BCL7A: variants seen among roughly 807,000 people sequenced by gnomAD.
BCL7A encodes B-cell CLL/lymphoma 7 protein family member A.
In BCL7A, 11 loss-of-function variants were observed where a neutral mutation model predicts 28.4. That is an observed-to-expected ratio of 0.39 (90% CI 0.24 to 0.64). The LOEUF is 0.64. Ranked by LOEUF, BCL7A falls within the 30% of genes least tolerant of loss-of-function variation. The pLI, the probability that BCL7A is intolerant of heterozygous loss-of-function variation, is 0.50. For synonymous variants in BCL7A, 123 were observed against 103.3 expected, an observed-to-expected ratio of 1.19 and a Z score of -1.15; for missense variants, 222 against 274.8, an observed-to-expected ratio of 0.81 and a Z score of 1.36.
chr12:122,022,023 G>C lies in BCL7A; in HGVS notation c.-69G>C. On this transcript the variant is annotated 5_prime_UTR_variant, in exon 1 of 6. Transcript: ENST00000261822. ...GAGTGAGCGGCGGGCGGGCGCGAGT[G>C]TGGCCGCCGCGGAGCGCGAGCAGGA... 1 of 1,408,742 alleles carries C rather than the reference G, an allele frequency of 7.1e-7. No individual in the cohort carries two copies. Among genetic ancestry groups the C allele is most frequent in the Non-Finnish European group, 9.6e-7 (1 of 1,042,574 alleles). The allele number at this position is 1,408,742 out of a possible 1,614,324, so 87.3% of individuals were successfully genotyped here.
Position 122,054,810 on chromosome 12 carries a change from T to C in BCL7A, c.445T>C (p.Ser149Pro). The change falls in exon 5 of 6, where the codon TCT becomes CCT. Residue 149 changes from serine (S) to proline (P), a missense_variant. By Grantham distance (74) the Ser-to-Pro change is moderately conservative. Coordinates refer to ENST00000261822, the MANE Select transcript of BCL7A (RefSeq NM_001024808.3). ...TCGTCTTGCTCTTCCCTCAGATGCT[T>C]CTGATGAGCAGAATTCACAGTCCTC... ...GKEHPGAEDASDEQNSQSSME... is the reference protein window; with the variant it reads ...GKEHPGAEDAPDEQNSQSSME... 1 of 1,613,806 alleles carries C rather than the reference T, an allele frequency of 6.2e-7. No individual in the cohort carries two copies. The highest frequency in any genetic ancestry group is 8.5e-7 in the Non-Finnish European group (1 of 1,179,792).
chr12:122,028,977 C>T lies in BCL7A; in HGVS notation c.93-1723C>T, dbSNP rs1012398586. Among the ~76,000 whole-genome samples, 3 of 152,194 alleles carry T rather than the reference C, an allele frequency of 2.0e-5. No individual in the cohort carries two copies. The East Asian group carries it at 5.8e-4, about 29-fold the overall frequency. On this transcript the variant is annotated intron_variant, in intron 1 of 5. Coordinates refer to ENST00000261822, the MANE Select transcript of BCL7A (RefSeq NM_001024808.3). ...TGCTCTGCCCACAGGAGGCAGGAGA[C>T]GGGCCAGTGGACTTAGACACTCGTC...
rs1257733320 is a variant in BCL7A at position 122,059,856 on chromosome 12, C to T, written c.*693C>T. On this transcript the variant is annotated 3_prime_UTR_variant, in exon 6 of 6. Coordinates refer to ENST00000261822, the MANE Select transcript of BCL7A (RefSeq NM_001024808.3). This position sits in a 1 kb window ranked among gnomAD's most constrained non-coding sequence, Gnocchi z 4.0. ...TGTTGGGGCACAGTCCCCAAGGGCTCGGCCCCTTGGATCAGGCTGGGCACT... is the reference window on the plus strand; with the variant it reads ...TGTTGGGGCACAGTCCCCAAGGGCTTGGCCCCTTGGATCAGGCTGGGCACT... 1.7e-5 allele frequency: 4 copies of T among 232,034 alleles called. No individual in the cohort carries two copies. The highest frequency in any genetic ancestry group is 6.6e-5 in the African/African-American group (3 of 45,244). 14.4% of individuals were successfully genotyped at this position (232,034 alleles called of 1,614,324 possible).
At chr12:122,024,012 C>G (rs191014807) in intron 1 of BCL7A, among the ~76,000 whole-genome samples, 1 of 152,190 alleles carries the variant, frequency 6.6e-6, no homozygotes, top group Admixed American at 6.5e-5. Context: ...GACAGCTGCT[C>G]CCGCAGAGCG....
At chr12:122,037,540 A>G (rs1883880387) in intron 3 of BCL7A, among the ~76,000 whole-genome samples, 1 of 152,220 alleles carries the variant, frequency 6.6e-6, no homozygotes, top group Non-Finnish European at 1.5e-5. Context: ...AGAAAAGCAC[A>G]GTGGCGGTGG....
intron 4 of BCL7A, among the ~76,000 whole-genome samples, chr12:122,053,602 CT>C (rs1377859862): frequency 2.0e-5 from 3 of 152,100 alleles, no homozygotes; most frequent in African/African-American, 7.2e-5. Flanking sequence ...AGGATTTTTG[CT>C]GCCCCTTCAC....
intron 4 of BCL7A, among the ~76,000 whole-genome samples, chr12:122,047,181 T>C (rs558130209): frequency 1.3e-5 from 2 of 151,534 alleles, no homozygotes; most frequent in Non-Finnish European, 2.9e-5. Flanking sequence ...GGATTACAGG[T>C]GTGAACCACC....
At chr12:122,057,492 A>G (rs980674759) in intron 5 of BCL7A, among the ~76,000 whole-genome samples, 1 of 152,160 alleles carries the variant, frequency 6.6e-6, no homozygotes, top group Non-Finnish European at 1.5e-5. Flanking sequence ...TGTTGGCCAC[A>G]AGCAGGCTGC....
At chr12:122,022,458 G>A (rs1338589290) in intron 1 of BCL7A, among the ~76,000 whole-genome samples, 1 of 145,222 alleles carries the variant, frequency 6.9e-6, no homozygotes, top group Non-Finnish European at 1.5e-5. Context: ...CCAGGCGGTT[G>A]GAGCGGCGGG....
Position 122,059,920 on chromosome 12 carries a change from C to G in BCL7A, c.*757C>G, listed in dbSNP as rs755507536. On this transcript the variant is annotated 3_prime_UTR_variant, in exon 6 of 6. Coordinates refer to ENST00000261822, the MANE Select transcript of BCL7A (RefSeq NM_001024808.3). This position sits in a 1 kb window ranked among gnomAD's most constrained non-coding sequence, Gnocchi z 4.0. ...CCTCCTTGGGGCGTTTAGGACTGGG[C>G]GTCTCCAAGCCCACCATGGCCCAGA... The G allele has an allele frequency of 4.3e-6, 1 of 232,294 alleles. No individual in the cohort carries two copies. The highest frequency in any genetic ancestry group is 8.5e-6 in the Non-Finnish European group (1 of 117,498). The allele number at this position is 232,294 out of a possible 1,614,324, so 14.4% of individuals were successfully genotyped here.
Position 122,060,830 on chromosome 12 carries a change from C to T in BCL7A, c.*1667C>T, listed in dbSNP as rs764684471. 2.2e-5 allele frequency: 5 copies of T among 224,408 alleles called. No homozygotes were observed. Among genetic ancestry groups the T allele is most frequent in the African/African-American group, 9.2e-5 (4 of 43,632 alleles). 13.9% of individuals were successfully genotyped at this position (224,408 alleles called of 1,614,324 possible). A position where few individuals can be genotyped will look rare whatever the true frequency, so the allele number is the denominator to read the frequency against. On this transcript the variant is annotated 3_prime_UTR_variant, in exon 6 of 6. Transcript: ENST00000261822. ...GGGATCCTGTCTATTTCCTGCACTT[C>T]GAGAAGAATCAAAATGTTCCTGAAT...
At chr12:122,040,020 C>A (rs1163623168) in intron 3 of BCL7A, among the ~76,000 whole-genome samples, 2 of 152,052 alleles carry the variant, frequency 1.3e-5, no homozygotes, top group Non-Finnish European at 2.9e-5. Context: ...ATTTTAAAAA[C>A]CTTGGCATGT....
chr12:122,044,976 TC>T (rs1593031722), intron 4 of BCL7A, among the ~76,000 whole-genome samples: 1 of 151,880 alleles, frequency 6.6e-6, no homozygotes, highest in Non-Finnish European at 1.5e-5. Flanking sequence ...AATGGGGTGG[TC>T]GGGGCGGCCT....
intron 4 of BCL7A, among the ~76,000 whole-genome samples, chr12:122,051,733 G>A (rs1359199157): frequency 2.6e-5 from 4 of 152,238 alleles, no homozygotes; most frequent in South Asian, 2.1e-4. Context: ...TGCTGTGCCC[G>A]GCAGAAAAGG....
rs1187202053 is a variant in BCL7A at position 122,031,360 on chromosome 12, C to CCG, written c.174+580_174+581insGC. Among the ~76,000 whole-genome samples, 4 of 152,102 alleles carry CCG rather than the reference C, an allele frequency of 2.6e-5. 1 individual carries two copies. In the East Asian group the frequency reaches 5.8e-4, roughly 22 times the overall value. ...TGTGTCTTCTGGGCCGAGCGCCCCC[C>CCG]CCAGGGCTTGGCACTGTGTTTTGGG... On this transcript the variant is annotated intron_variant, in intron 2 of 5. Transcript: ENST00000261822.
intron 1 of BCL7A, among the ~76,000 whole-genome samples, chr12:122,023,183 A>G (rs1034318051): frequency 6.6e-6 from 1 of 152,170 alleles, no homozygotes; most frequent in African/African-American, 2.4e-5. Flanking sequence ...CCGAGGCGCA[A>G]GCAGATCGCC....
Position 122,030,795 on chromosome 12 carries a change from G to A in BCL7A, c.174+14G>A, listed in dbSNP as rs538810792. The A allele has an allele frequency of 1.9e-6, 3 of 1,612,590 alleles. No homozygotes were observed. The highest frequency in any genetic ancestry group is 2.7e-5 in the African/African-American group (2 of 74,988). On this transcript the variant is annotated intron_variant, in intron 2 of 5. Coordinates refer to ENST00000261822, the MANE Select transcript of BCL7A (RefSeq NM_001024808.3). ...AAGGTTGATGACGTGAGTATGGAGG[G>A]CTGGTCCCCTGGGGTGGGCCACCCA...
chr12:122,037,835 G>C (rs1422758769), intron 3 of BCL7A, among the ~76,000 whole-genome samples: 4 of 152,242 alleles, frequency 2.6e-5, no homozygotes, highest in Admixed American at 2.6e-4. Flanking sequence ...TGTAATCCCA[G>C]CTAGTCGGGA....
chr12:122,028,922 G>A (rs1386247724), intron 1 of BCL7A, among the ~76,000 whole-genome samples: 1 of 152,190 alleles, frequency 6.6e-6, no homozygotes, highest in Non-Finnish European at 1.5e-5. Context: ...TCAGAATTGA[G>A]GAGGGGAAAG....
Sources: allele counts gnomAD v4.1 joint callset (sites outside exome capture counted in the v4.1 genomes callset), GRCh38; gene constraint gnomAD v4.1.1; non-coding constraint Gnocchi (gnomAD v3.1); transcripts MANE v1.5; gene names NCBI Gene and HGNC (gene_info 2026-07-23, HGNC 2026-07-21).